TENM4: variants seen among roughly 807,000 people sequenced by gnomAD.
TENM4 encodes the protein teneurin-4.
In TENM4, 82 loss-of-function variants were observed where a neutral mutation model predicts 243.3. The observed-to-expected ratio is 0.34, with a 90% CI of 0.28 to 0.40. TENM4 has a LOEUF of 0.40. Among genes scored for constraint, TENM4 ranks in the 10% least tolerant of loss-of-function variants. The probability of loss-of-function intolerance (pLI) is 1.00; values close to 1 mark genes in which losing one functional copy is unlikely to be tolerated. For synonymous variants in TENM4, 1,412 were observed against 1,456.3 expected (o/e 0.97, Z 0.69); for missense variants, 3,138 against 3,673.3 (o/e 0.85, Z 3.77).
chr11:78,661,692 G>T, intron 32 of TENM4, 101 bp from the exon 33 acceptor site: 1 of 1,460,692 alleles, frequency 6.8e-7, no homozygotes, highest in Non-Finnish European at 9.3e-7. Flanking sequence ...GGTGTGGTGA[G>T]GGTGTGGATT....
At chr11:79,199,345 T>C (rs1863695926) in intron 3 of TENM4, among the ~76,000 whole-genome samples, 2 of 152,218 alleles carry the variant, frequency 1.3e-5, no homozygotes, top group South Asian at 4.1e-4. Flanking sequence ...TTTGCTGTCG[T>C]TACTATTATG....
chr11:79,317,146 C>T (rs1231231369), intron 1 of TENM4, among the ~76,000 whole-genome samples: 1 of 152,130 alleles, frequency 6.6e-6, no homozygotes. Flanking sequence ...CTCAATATTC[C>T]CACTTTGGGA....
At chr11:78,819,441 T>C (rs941225019) in intron 12 of TENM4, among the ~76,000 whole-genome samples, 9 of 152,144 alleles carry the variant, frequency 5.9e-5, no homozygotes, top group Non-Finnish European at 1.2e-4. Flanking sequence ...AAAATCCTAT[T>C]AGGAGGACTA....
intron 4 of TENM4, among the ~76,000 whole-genome samples, chr11:79,071,533 G>A (rs1340035319): frequency 6.6e-6 from 1 of 152,214 alleles, no homozygotes; most frequent in African/African-American, 2.4e-5. Flanking sequence ...TTTGGAGTTA[G>A]ATATAAAAGC....
intron 18 of TENM4, 59 bp downstream of exon 18, chr11:78,770,933 C>G: frequency 1.9e-6 from 3 of 1,544,664 alleles, no homozygotes; most frequent in Middle Eastern, 3.7e-4. Flanking sequence ...TATCCATTCT[C>G]CACTCTGGGC....
chr11:78,994,649 T>A (rs1432648578), intron 6 of TENM4, among the ~76,000 whole-genome samples: 1 of 152,250 alleles, frequency 6.6e-6, no homozygotes, highest in African/African-American at 2.4e-5. Context: ...CAATTCCAGT[T>A]ATTCTATTAT....
At chr11:78,919,699 G>A (rs602856) in intron 6 of TENM4, among the ~76,000 whole-genome samples, 151,850 of 152,268 alleles carry the variant, frequency 1, 75,733 homozygotes, top group Middle Eastern at 1. Context: ...ATCTAGCTGC[G>A]CTGATGGGAA....
chr11:78,982,422 C>T (rs1222412740), intron 6 of TENM4, among the ~76,000 whole-genome samples: 1 of 152,098 alleles, frequency 6.6e-6, no homozygotes, highest in Non-Finnish European at 1.5e-5. Flanking sequence ...CATGGACTCA[C>T]CCTGGGCTCC....
intron 6 of TENM4, among the ~76,000 whole-genome samples, chr11:78,986,459 T>G (rs1349935526): frequency 6.6e-6 from 1 of 152,148 alleles, no homozygotes; most frequent in Non-Finnish European, 1.5e-5. Flanking sequence ...GTGGATGAGG[T>G]GGCTTTTGCC....
chr11:78,877,773 C>A (rs1859306689), intron 9 of TENM4, among the ~76,000 whole-genome samples: 1 of 152,188 alleles, frequency 6.6e-6, no homozygotes, highest in Non-Finnish European at 1.5e-5. Flanking sequence ...AACTCAGAAA[C>A]TGCTTGGCCC....
intron 6 of TENM4, among the ~76,000 whole-genome samples, chr11:79,059,421 A>C (rs1443253036): frequency 2.6e-5 from 4 of 152,132 alleles, no homozygotes; most frequent in Non-Finnish European, 4.4e-5. Flanking sequence ...CTCAGGGCAA[A>C]ATGAACTGCT....
intron 22 of TENM4, among the ~76,000 whole-genome samples, chr11:78,726,455 T>C (rs1590970883): frequency 6.6e-6 from 1 of 152,248 alleles, no homozygotes; most frequent in African/African-American, 2.4e-5. Flanking sequence ...AAAATAAATG[T>C]ACCAATTACT....
At chr11:79,280,316 A>G (rs1856134561) in intron 2 of TENM4, among the ~76,000 whole-genome samples, 1 of 152,216 alleles carries the variant, frequency 6.6e-6, no homozygotes, top group African/African-American at 2.4e-5. Context: ...TTTTGTGGCC[A>G]TCTCCCCACA....
intron 3 of TENM4, among the ~76,000 whole-genome samples, chr11:79,171,945 T>A (rs1225672587): frequency 6.6e-6 from 1 of 152,180 alleles, no homozygotes; most frequent in East Asian, 1.9e-4. Flanking sequence ...AAAGGAAGCA[T>A]TCTTTGATTG....
At chr11:79,009,872 A>C (rs1042279860) in intron 6 of TENM4, among the ~76,000 whole-genome samples, 2 of 152,080 alleles carry the variant, frequency 1.3e-5, no homozygotes, top group African/African-American at 2.4e-5. Flanking sequence ...AATTGTAATG[A>C]TCCCCACATG....
intron 3 of TENM4, chr11:79,193,145 G>C (rs759393922): frequency 6.6e-6 from 1 of 152,268 alleles, no homozygotes; most frequent in African/African-American, 2.4e-5. Context: ...TGAAAAGAAG[G>C]CTTCATAATG....
At chr11:78,662,720 GC>G (rs1241975928) in intron 32 of TENM4, among the ~76,000 whole-genome samples, 1 of 152,172 alleles carries the variant, frequency 6.6e-6, no homozygotes, top group East Asian at 1.9e-4. Flanking sequence ...TCTTCTATGT[GC>G]CCAGGACTAT....
At chr11:79,271,244 G>A (rs534237622) in intron 2 of TENM4, among the ~76,000 whole-genome samples, 3 of 152,260 alleles carry the variant, frequency 2.0e-5, no homozygotes, top group African/African-American at 7.2e-5. Flanking sequence ...TGAGCCGCCC[G>A]ATAAAGCTTC....
chr11:78,996,393 T>G (rs906268240), intron 6 of TENM4, among the ~76,000 whole-genome samples: 4 of 152,162 alleles, frequency 2.6e-5, no homozygotes, highest in African/African-American at 9.7e-5. Context: ...ACAGAACACA[T>G]GAGTAAAGCC....
Sources: gnomAD v4.1 joint callset for allele counts (sites outside exome capture counted in the v4.1 genomes callset) on GRCh38, gnomAD v4.1.1 for gene constraint, MANE v1.5 for transcripts, NCBI Gene and HGNC (gene_info 2026-07-23, HGNC 2026-07-21) for gene names.